TEKT1: variants seen among roughly 807,000 people sequenced by gnomAD.
The protein encoded by TEKT1 is tektin 1.
TEKT1 carries 32 observed loss-of-function variants against 34.8 expected under a neutral mutation model. The observed-to-expected ratio is 0.92, with a 90% CI of 0.69 to 1.23. The LOEUF is 1.23. Ranked by LOEUF, TEKT1 falls within the 50% of genes most tolerant of loss-of-function variation. The pLI is 0.00. For missense variants in TEKT1, 492 were observed against 518.5 expected, an observed-to-expected ratio of 0.95 and a Z score of 0.50; for synonymous variants, 207 against 199.8, an observed-to-expected ratio of 1.04 and a Z score of -0.30.
At chr17:6,813,961 T>TCA (rs1384241500) in intron 5 of TEKT1, among the ~76,000 whole-genome samples, 1 of 151,746 alleles carries the variant, frequency 6.6e-6, no homozygotes, top group Admixed American at 6.6e-5. Context: ...TCTCTCTCTC[T>TCA]CTCTCTCTCT....
intron 6 of TEKT1, among the ~76,000 whole-genome samples, chr17:6,809,913 C>T (rs1976903734): frequency 6.6e-6 from 1 of 152,152 alleles, no homozygotes; most frequent in South Asian, 2.1e-4. Context: ...TAGCTGTTTG[C>T]AAGTTTTGGC....
chr17:6,829,515 C>CTTTT lies in TEKT1; in HGVS notation c.190+668_190+671dup, dbSNP rs34702459. Among the ~76,000 whole-genome samples, 4 of 137,674 alleles carry CTTTT rather than the reference C, an allele frequency of 2.9e-5. No individual in the cohort carries two copies. In the East Asian group the frequency reaches 6.3e-4, roughly 22 times the overall value. 90.3% of individuals were successfully genotyped at this position (137,674 alleles called of 152,430 possible). A position where few individuals can be genotyped will look rare whatever the true frequency, so the allele number is the denominator to read the frequency against. On this transcript the variant is annotated intron_variant, in intron 2 of 7. Transcript: ENST00000338694. ...TTTCATTCTTCCTTTCTTTTTCTTT[C>CTTTT]TTTTTTTTTTTTTTATGAAACAGGG...
intron 6 of TEKT1, 84 bp from the exon 7 acceptor site, chr17:6,801,027 A>C: frequency 4.6e-6 from 6 of 1,299,230 alleles, no homozygotes; most frequent in Non-Finnish European, 6.4e-6. Flanking sequence ...GTGATCATGT[A>C]AGTTAGGAAG....
chr17:6,830,141 G>A, intron 2 of TEKT1, 46 bp downstream of exon 2: 1 of 1,554,644 alleles, frequency 6.4e-7, no homozygotes, highest in Non-Finnish European at 8.7e-7. Context: ...AAACTCAACA[G>A]CCTCATCCTA....
Position 6,830,412 on chromosome 17 carries a change from T to G in TEKT1, c.-17-19A>C, listed in dbSNP as rs1904544596. On this transcript the variant is annotated intron_variant, in intron 1 of 7. Transcript: ENST00000338694. ...CAAATTCCTGATCAAAAGCAGACTC[T>G]TTTAGATTAAATGAAAGCAATTTGT... 2 of 1,483,564 alleles carry G rather than the reference T, an allele frequency of 1.3e-6. No homozygotes were observed. Among genetic ancestry groups the G allele is most frequent in the Non-Finnish European group, 9.0e-7 (1 of 1,105,474 alleles). The allele number at this position is 1,483,564 out of a possible 1,614,324, so 91.9% of individuals were successfully genotyped here. A position where few individuals can be genotyped will look rare whatever the true frequency, so the allele number is the denominator to read the frequency against.
At chr17:6,822,275 T>A (rs1977102693) in intron 2 of TEKT1, among the ~76,000 whole-genome samples, 1 of 152,126 alleles carries the variant, frequency 6.6e-6, no homozygotes, top group Admixed American at 6.5e-5. Flanking sequence ...TAGCTGAGAC[T>A]ACAGGTACAC....
intron 6 of TEKT1, among the ~76,000 whole-genome samples, chr17:6,809,531 C>T (rs140088610): frequency 0.015 from 2,222 of 152,258 alleles, 52 homozygotes; most frequent in Non-Finnish European, 0.015. Flanking sequence ...CGCGCCCAGC[C>T]GATTCTATGG....
In TEKT1 at chr17:6,829,357, C is replaced by A. The variant is rs147711896; in HGVS notation, c.190+830G>T. Among the ~76,000 whole-genome samples the A allele has an allele frequency of 1.6e-3, 249 of 152,286 alleles. 1 individual carries two copies. Among genetic ancestry groups the A allele is most frequent in the African/African-American group, 5.7e-3 (238 of 41,556 alleles). On this transcript the variant is annotated intron_variant, in intron 2 of 7. Transcript: ENST00000338694. ...AGAGGATTTGTTCCAGAGTCCCTGA[C>A]AGACACCAAAATCCATGGATGCTCA...
Position 6,814,770 on chromosome 17 carries a change from G to A in TEKT1, c.629+393C>T, listed in dbSNP as rs530725868. 2.6e-4 allele frequency among the ~76,000 whole-genome samples: 40 copies of A among 151,804 alleles called. No individual in the cohort carries two copies. In the East Asian group the frequency reaches 6.2e-3, roughly 24 times the overall value. ...GGAGAATGGCGTGAACCCGGGAGACGGAGCTTGCAGTGAGGTGAGATCGCG... is the reference window on the plus strand; with the variant it reads ...GGAGAATGGCGTGAACCCGGGAGACAGAGCTTGCAGTGAGGTGAGATCGCG... On this transcript the variant is annotated intron_variant, in intron 5 of 7. Transcript: ENST00000338694.
rs1041495513 is a variant in TEKT1 at position 6,811,652 on chromosome 17, G to A, written c.852+1179C>T. On this transcript the variant is annotated intron_variant, in intron 6 of 7. Transcript: ENST00000338694. The surrounding 1 kb of genome is among the most constrained non-coding windows in gnomAD (Gnocchi z 4.4). ...AATCTTGTCCACAACTGGACTCTGA[G>A]CTCTGGGAGGGAGTGTTCAGGATGT... 6.6e-5 allele frequency among the ~76,000 whole-genome samples: 10 copies of A among 152,134 alleles called. No homozygotes were observed. The highest frequency in any genetic ancestry group is 1.9e-4 in the African/African-American group (8 of 41,438).
chr17:6,809,423 G>C (rs983540494), intron 6 of TEKT1, among the ~76,000 whole-genome samples: 2 of 152,024 alleles, frequency 1.3e-5, no homozygotes, highest in Non-Finnish European at 2.9e-5. Context: ...GTAGAGACAG[G>C]GTTTCGCTGT....
intron 5 of TEKT1, among the ~76,000 whole-genome samples, chr17:6,813,981 A>ATCTCTCTCTCTCTC (rs1976967141): frequency 8.2e-6 from 1 of 122,274 alleles, no homozygotes; most frequent in African/African-American, 3.3e-5. Flanking sequence ...TCTCTCTCGG[A>ATCTCTCTCTCTCTC]TCACTCATTA....
Position 6,811,641 on chromosome 17 carries a change from C to T in TEKT1, c.852+1190G>A, listed in dbSNP as rs34240531. 0.056 allele frequency among the ~76,000 whole-genome samples: 8,539 copies of T among 152,196 alleles called. 301 individuals carry two copies. The highest frequency in any genetic ancestry group is 0.086 in the South Asian group (412 of 4,806). ...TCACAGAAATAAATCTTGTCCACAACTGGACTCTGAGCTCTGGGAGGGAGT... is the reference window on the plus strand; with the variant it reads ...TCACAGAAATAAATCTTGTCCACAATTGGACTCTGAGCTCTGGGAGGGAGT... On this transcript the variant is annotated intron_variant, in intron 6 of 7. Coordinates refer to ENST00000338694, the MANE Select transcript of TEKT1 (RefSeq NM_053285.2). This position sits in a 1 kb window ranked among gnomAD's most constrained non-coding sequence, Gnocchi z 4.4.
chr17:6,814,710 C>T (rs35428444), intron 5 of TEKT1, among the ~76,000 whole-genome samples: 28,263 of 151,812 alleles, frequency 0.19, 2,961 homozygotes, highest in East Asian at 0.42. Flanking sequence ...TGGTGGCGGG[C>T]GCCTGTAGTC....
In TEKT1 at chr17:6,811,589, C is replaced by T. The variant is rs149632573; in HGVS notation, c.852+1242G>A. On this transcript the variant is annotated intron_variant, in intron 6 of 7. Transcript: ENST00000338694. The surrounding 1 kb of genome is among the most constrained non-coding windows in gnomAD (Gnocchi z 4.4). ...TTGCTGAATATTGCAGTTTCACCCT[C>T]GATGATACTCTGGTTTCTCCAGCAC... Among the ~76,000 whole-genome samples the T allele has an allele frequency of 2.6e-4, 39 of 152,202 alleles. No homozygotes were observed. Among genetic ancestry groups the T allele is most frequent in the Middle Eastern group, 3.4e-3 (1 of 294 alleles).
intron 5 of TEKT1, 47 bp downstream of exon 5, chr17:6,815,116 G>A (rs747871428): frequency 1.8e-5 from 29 of 1,569,462 alleles, no homozygotes; most frequent in East Asian, 2.2e-5. Context: ...GCCTATCTGA[G>A]AAGCACTGGG....
chr17:6,801,565 G>A (rs186920888), intron 6 of TEKT1, among the ~76,000 whole-genome samples: 595 of 152,112 alleles, frequency 3.9e-3, no homozygotes, highest in Middle Eastern at 6.8e-3. Context: ...AAAATTAGCC[G>A]GGTGTTGTGG....
chr17:6,826,204 A>C (rs1196864011), intron 2 of TEKT1, among the ~76,000 whole-genome samples: 1 of 152,176 alleles, frequency 6.6e-6, no homozygotes, highest in Non-Finnish European at 1.5e-5. Flanking sequence ...GATGACTCAT[A>C]AAATTAGAGC....
chr17:6,831,026 A>AAGAAGAAGGAGG lies in TEKT1; in HGVS notation c.-18+622_-18+623insCCTCCTTCTTCT, dbSNP rs1485693256. Among the ~76,000 whole-genome samples the AAGAAGAAGGAGG allele has an allele frequency of 2.7e-5, 4 of 149,994 alleles. No homozygotes were observed. In the East Asian group the frequency reaches 5.9e-4, roughly 22 times the overall value. On this transcript the variant is annotated intron_variant, in intron 1 of 7. Coordinates refer to ENST00000338694, the MANE Select transcript of TEKT1 (RefSeq NM_053285.2). ...GAAGAAGAAAAAGAAGAGGAAGAAG[A>AAGAAGAAGGAGG]AGGAGGAGGAGGAGGAGGAGGAGGA... is the stretch of plus-strand genomic sequence containing the variant.
Sources: allele counts gnomAD v4.1 joint callset (sites outside exome capture counted in the v4.1 genomes callset), GRCh38; gene constraint gnomAD v4.1.1; non-coding constraint Gnocchi (gnomAD v3.1); transcripts MANE v1.5; gene names NCBI Gene and HGNC (gene_info 2026-07-23, HGNC 2026-07-21).